ARL16: variants seen among roughly 807,000 people sequenced by gnomAD.
The protein encoded by ARL16 is ARF like GTPase 16, also known as ADP-ribosylation factor-like protein 16.
In ARL16, 21 loss-of-function variants were observed where a neutral mutation model predicts 14.1. The ratio of observed to expected loss-of-function variants is 1.48; its 90% CI spans 1.05 to 2.14. The LOEUF is 2.14. ARL16 is among the 30% of genes most tolerant of loss of function. The pLI, the probability that ARL16 is intolerant of heterozygous loss-of-function variation, is 0.00. For synonymous variants in ARL16, 122 were observed against 91.8 expected (o/e 1.33, Z -1.88); for missense variants, 248 against 222.0 (o/e 1.12, Z -0.74).
chr17:81,682,775 AG>A, intron 3 of ARL16: 1 of 560,722 alleles, frequency 1.8e-6, no homozygotes, highest in Non-Finnish European at 3.2e-6. Context: ...TCTGCGGAGC[AG>A]CAGCCCTGCC....
intron 2 of ARL16, 142 bp downstream of exon 2, chr17:81,683,394 G>T (rs1352434543): frequency 3.4e-6 from 4 of 1,170,104 alleles, no homozygotes; most frequent in Admixed American, 3.0e-5. Context: ...TCCTCAGCTC[G>T]GGCCGTCCCC....
In ARL16 at chr17:81,683,713, A is replaced by T. The variant is rs747939330; in HGVS notation, c.41T>A (p.Leu14Gln). ...LLGATGVGKT[L>Q]LVKRLQEVSS... ...GATATCCTGCAGCCGTTTCACCAGC[A>T]GCGTCTTCCCGACGCCCGTGGCCCC... The change falls in exon 1 of 5, where the codon CTG (leucine) becomes CAG (glutamine). Residue 14 changes from leucine (L) to glutamine (Q), a missense_variant. Transcript: ENST00000622299. 1.2e-6 allele frequency: 2 copies of T among 1,607,082 alleles called. No homozygotes were observed. The highest frequency in any genetic ancestry group is 1.7e-6 in the Non-Finnish European group (2 of 1,177,938).
At chr17:81,682,922 C>T in intron 3 of ARL16, 91 bp downstream of exon 3, 1 of 1,159,328 alleles carries the variant, frequency 8.6e-7, no homozygotes, top group Non-Finnish European at 1.3e-6. Flanking sequence ...TAACCCAAAC[C>T]CCTTTCTACA....
At chr17:81,682,814 C>CGGG in intron 3 of ARL16, 199 bp downstream of exon 3, 1 of 590,148 alleles carries the variant, frequency 1.7e-6, no homozygotes, top group Admixed American at 3.1e-5. Flanking sequence ...GAGCTCCTAC[C>CGGG]GGGGGCCTGG....
chr17:81,683,532 C>G lies in ARL16; in HGVS notation c.120+4G>C, dbSNP rs2036900937. ...CAACTCCACCCGCGGGGGCGGACAC[C>G]TACCGTGGGCCGTGTCGGGGGCGGC... On this transcript the variant is annotated splice_donor_region_variant and intron_variant, in intron 2 of 4. Transcript: ENST00000622299. 1 of 1,583,092 alleles carries G rather than the reference C, an allele frequency of 6.3e-7. No individual in the cohort carries two copies. The highest frequency in any genetic ancestry group is 1.3e-5 in the African/African-American group (1 of 74,200).
intron 3 of ARL16, 83 bp downstream of exon 3, chr17:81,682,930 A>T: frequency 8.0e-7 from 1 of 1,247,094 alleles, no homozygotes; most frequent in Non-Finnish European, 1.2e-6. Flanking sequence ...ACCCCTTTCT[A>T]CACACAGCAA....
Position 81,681,669 on chromosome 17 carries a change from C to G in ARL16, c.*39G>C. 7 of 1,542,402 alleles carry G rather than the reference C, an allele frequency of 4.5e-6. No individual in the cohort carries two copies. Among genetic ancestry groups the G allele is most frequent in the Non-Finnish European group, 6.1e-6 (7 of 1,145,588 alleles). On this transcript the variant is annotated 3_prime_UTR_variant, in exon 5 of 5. Transcript: ENST00000622299. ...GCAAAGCCATACTGCCCTCTGCCAC[C>G]TCTCCCCAGCTCAGGCCAGCTGCGC...
Position 81,681,776 on chromosome 17 carries a change from C to T in ARL16, c.454G>A (p.Ala152Thr), listed in dbSNP as rs753996726. ...CCTGCTAAGCCAGTGCCTTCACGGG[C>T]GCTGATTTCTGCCGTGGTGATGTTC... ...KQNITTAEIS[A>T]REGTGLAGVL... is the part of the protein sequence containing the mutation. Residue 152 changes from alanine (A) to threonine (T), a missense_variant, in exon 5 of 5, where the codon GCC (alanine) becomes ACC (threonine). Transcript: ENST00000622299. 6.2e-6 allele frequency: 10 copies of T among 1,611,070 alleles called. No homozygotes were observed. The highest frequency in any genetic ancestry group is 4.5e-5 in the East Asian group (2 of 44,770).
chr17:81,682,615 G>A (rs2036870898), intron 3 of ARL16: 1 of 204,458 alleles, frequency 4.9e-6, no homozygotes, highest in South Asian at 9.6e-5. Flanking sequence ...ACGACCTGGT[G>A]TCACTCGTCT....
intron 2 of ARL16, 30 bp downstream of exon 2, chr17:81,683,506 G>GC: frequency 6.5e-7 from 1 of 1,537,522 alleles, no homozygotes; most frequent in Non-Finnish European, 8.7e-7. Flanking sequence ...CTGACCCCCC[G>GC]CAACTCCACC....
chr17:81,683,124 C>T lies in ARL16; in HGVS notation c.123G>A (p.Val41=). ...LGEPPPTRPT[V]GTNLTDIVAQ... ...CCACGATGTCAGTAAGATTGGTGCC[C>T]ACCTATAGGAAAAACCACGATGCAA... Residue 41 remains valine (V), a splice_region_variant and synonymous_variant, in exon 3 of 5, where the codon GTG becomes GTA. Coordinates refer to ENST00000622299, the MANE Select transcript of ARL16 (RefSeq NM_001040025.3). 1 of 1,604,754 alleles carries T rather than the reference C, an allele frequency of 6.2e-7. No homozygotes were observed. The highest frequency in any genetic ancestry group is 2.2e-5 in the East Asian group (1 of 44,846).
In ARL16 at chr17:81,683,043, G is replaced by A. The variant is rs748203584; in HGVS notation, c.204C>T (p.Ser68=). 2 of 1,613,708 alleles carry A rather than the reference G, an allele frequency of 1.2e-6. No homozygotes were observed. Among genetic ancestry groups the A allele is most frequent in the South Asian group, 2.2e-5 (2 of 91,080 alleles). The change falls in exon 3 of 5, where the codon TCC becomes TCT. Residue 68 remains serine (S), a synonymous_variant. Coordinates refer to ENST00000622299, the MANE Select transcript of ARL16 (RefSeq NM_001040025.3). The stretch of plus-strand genomic sequence containing the variant: ...GAGAACGGCAGTTTCCATAGTAACT[G>A]GACCAGATGGGGCCCATGCACCCCC... ...ELGGCMGPIW[S]SYYGNCRSLL...
chr17:81,683,505 C>A (rs368003886), intron 2 of ARL16, 31 bp downstream of exon 2: 11 of 1,536,328 alleles, frequency 7.2e-6, no homozygotes, highest in African/African-American at 5.5e-5. Flanking sequence ...ACTGACCCCC[C>A]GCAACTCCAC....
chr17:81,681,704 GCAGT>G lies in ARL16; in HGVS notation c.522_*3del. 1 of 1,599,252 alleles carries G rather than the reference GCAGT, an allele frequency of 6.3e-7. No individual in the cohort carries two copies. Among genetic ancestry groups the G allele is most frequent in the Non-Finnish European group, 8.5e-7 (1 of 1,173,898 alleles). ...CTCAGGCCAGCTGCGCCTCTGCCGT[GCAGT>G]CAATCGTTGGCTCTGTGGGTGGCCT... On this transcript the variant is annotated stop_lost and 3_prime_UTR_variant, in exon 5 of 5. Transcript: ENST00000622299.
chr17:81,681,735 G>A lies in ARL16; in HGVS notation c.495C>T (p.Leu165=), dbSNP rs1490952721. The change falls in exon 5 of 5, where the codon CTC becomes CTT. Residue 165 remains leucine, a synonymous_variant. Coordinates refer to ENST00000622299, the MANE Select transcript of ARL16 (RefSeq NM_001040025.3). ...AATCGTTGGCTCTGTGGGTGGCCTG[G>A]AGCCAGGCCAGCACCCCTGCTAAGC... ...GTGLAGVLAW[L]QATHRAND 13 of 1,607,452 alleles carry A rather than the reference G, an allele frequency of 8.1e-6. No individual in the cohort carries two copies. Among genetic ancestry groups the A allele is most frequent in the African/African-American group, 1.3e-5 (1 of 74,808 alleles).
At chr17:81,683,401 C>A (rs2036896749) in intron 2 of ARL16, 135 bp downstream of exon 2, 7 of 1,219,446 alleles carry the variant, frequency 5.7e-6, no homozygotes, top group Non-Finnish European at 6.7e-6. Flanking sequence ...CTCGGGCCGT[C>A]CCCCGCTCCC....
At position 81,683,603 on chromosome 17, in the gene ARL16, C is replaced by G; in HGVS notation, c.62-9G>C. 4 of 1,600,318 alleles carry G rather than the reference C, an allele frequency of 2.5e-6. No individual in the cohort carries two copies. The highest frequency in any genetic ancestry group is 3.4e-6 in the Non-Finnish European group (4 of 1,175,528). On this transcript the variant is annotated splice_polypyrimidine_tract_variant and intron_variant, in intron 1 of 4. Coordinates refer to ENST00000622299, the MANE Select transcript of ARL16 (RefSeq NM_001040025.3). The stretch of plus-strand genomic sequence containing the variant: ...ATCCCGGGAGCTCACCTGTGCGAAG[C>G]GGTCAAGGACCCGAGCAGCTAAAGG...
chr17:81,681,885 G>A lies in ARL16; in HGVS notation c.351-6C>T. On this transcript the variant is annotated splice_polypyrimidine_tract_variant and splice_region_variant and intron_variant, in intron 4 of 4. Transcript: ENST00000622299. The stretch of plus-strand genomic sequence containing the variant: ...ACATGTAACAGGGTAGGTCGCTGGA[G>A]AGAAAGAGGTGCCCCATCAGAGCAG... 5.0e-6 allele frequency: 8 copies of A among 1,610,926 alleles called. No homozygotes were observed. The highest frequency in any genetic ancestry group is 6.8e-6 in the Non-Finnish European group (8 of 1,178,836).
rs1380341506 is a variant in ARL16 at position 81,683,703 on chromosome 17, T to C, written c.51A>G (p.Lys17=). 2 of 1,605,818 alleles carry C rather than the reference T, an allele frequency of 1.2e-6. No individual in the cohort carries two copies. The highest frequency in any genetic ancestry group is 1.7e-6 in the Non-Finnish European group (2 of 1,177,408). Residue 17 remains lysine (K), a synonymous_variant, in exon 1 of 5, where the codon AAA becomes AAG. Transcript: ENST00000622299. The part of the protein sequence containing the change: ...ATGVGKTLLV[K]RLQEVSSRDG... ...CGCGCGGAAGGATATCCTGCAGCCG[T>C]TTCACCAGCAGCGTCTTCCCGACGC...
Sources: allele counts gnomAD v4.1 joint callset, GRCh38; gene constraint gnomAD v4.1.1; transcripts MANE v1.5; gene names NCBI Gene and HGNC (gene_info 2026-07-23, HGNC 2026-07-21).